The following LRRC46 variants were observed in gnomAD, a reference collection of about 807,000 sequenced individuals.
LRRC46 encodes the protein leucine rich repeat containing 46, also known as leucine-rich repeat-containing protein 46.
In LRRC46, 20 loss-of-function variants were observed where a neutral mutation model predicts 28.0. That is an observed-to-expected ratio of 0.71 (90% CI 0.50 to 1.04). The LOEUF (loss-of-function observed/expected upper bound fraction) is 1.04. Ranked by LOEUF, LRRC46 falls within the 50% of genes least tolerant of loss-of-function variation. The pLI is 0.00. For synonymous variants in LRRC46, 156 were observed against 158.8 expected, an observed-to-expected ratio of 0.98 and a Z score of 0.13; for missense variants, 315 against 390.1, an observed-to-expected ratio of 0.81 and a Z score of 1.62.
Position 47,836,430 on chromosome 17 carries a change from G to A in LRRC46, c.550G>A (p.Asp184Asn), listed in dbSNP as rs370207682. 7.6e-5 allele frequency: 122 copies of A among 1,614,044 alleles called. No homozygotes were observed. Among genetic ancestry groups the A allele is most frequent in the Non-Finnish European group, 9.7e-5 (115 of 1,180,026 alleles). ...GGATGAGGAGGATGAAGCCTCAAGC[G>A]ATGAGGAGTTCCCAGAGCTGAGTGG... ...ISDEEDEASS[D>N]EEFPELSGPF... Residue 184 changes from aspartate to asparagine, a missense_variant, in exon 7 of 8, where the codon GAT (aspartate) becomes AAT (asparagine). Asp to Asn is a conservative substitution (Grantham distance 23). Transcript: ENST00000269025. This position sits in a 1 kb window ranked among gnomAD's most constrained non-coding sequence, Gnocchi z 5.8.
In LRRC46 at chr17:47,831,926, G is replaced by A; in HGVS notation, c.-64G>A. ...CATCCTGAGTTCTGCCATCCTTAGG[G>A]GCCGCCAAGACCTCTCTTTTCGTTC... On this transcript the variant is annotated 5_prime_UTR_variant, in exon 1 of 8. Coordinates refer to ENST00000269025, the MANE Select transcript of LRRC46 (RefSeq NM_033413.4). The A allele has an allele frequency of 6.2e-7, 1 of 1,609,898 alleles. No individual in the cohort carries two copies. The highest frequency in any genetic ancestry group is 1.7e-5 in the Admixed American group (1 of 59,904).
In LRRC46 at chr17:47,836,354, G is replaced by A; in HGVS notation, c.474G>A (p.Leu158=). Residue 158 remains leucine, a synonymous_variant, in exon 7 of 8, where the codon CTG becomes CTA. Coordinates refer to ENST00000269025, the MANE Select transcript of LRRC46 (RefSeq NM_033413.4). This position sits in a 1 kb window ranked among gnomAD's most constrained non-coding sequence, Gnocchi z 5.8. ...DGYRELVTEA[L]PLLLDLDGQP... ...GCAGCGAGCTGGTGACAGAAGCCCT[G>A]CCACTTCTCCTGGACCTGGACGGGC... is the stretch of plus-strand genomic sequence containing the variant. 1 of 1,614,030 alleles carries A rather than the reference G, an allele frequency of 6.2e-7. No individual in the cohort carries two copies. Among genetic ancestry groups the A allele is most frequent in the Non-Finnish European group, 8.5e-7 (1 of 1,180,018 alleles).
intron 3 of LRRC46, 187 bp from the exon 4 acceptor site, chr17:47,835,166 T>G: frequency 1.4e-6 from 1 of 694,148 alleles, no homozygotes. Context: ...CCCTTAACCA[T>G]CCACATGGGG....
Position 47,837,307 on chromosome 17 carries a change from A to G in LRRC46, c.*187A>G. Reference sequence around the variant, plus strand: ...CTCCAGGAAACAAAATACAGAGCTCAGTGAGCCACCTGATTCTAAAGAGCG... The same window carrying G: ...CTCCAGGAAACAAAATACAGAGCTCGGTGAGCCACCTGATTCTAAAGAGCG... On this transcript the variant is annotated 3_prime_UTR_variant, in exon 8 of 8. Transcript: ENST00000269025. 1.4e-6 allele frequency: 1 copy of G among 722,664 alleles called. No homozygotes were observed. The highest frequency in any genetic ancestry group is 2.1e-6 in the Non-Finnish European group (1 of 472,732). The allele number at this position is 722,664 out of a possible 1,614,324, so 44.8% of individuals were successfully genotyped here.
chr17:47,835,294 A>C, intron 3 of LRRC46, 59 bp from the exon 4 acceptor site: 5 of 1,563,164 alleles, frequency 3.2e-6, no homozygotes, highest in Non-Finnish European at 4.4e-6. Flanking sequence ...TGTCCCCGTA[A>C]AGGGCCCCTG....
chr17:47,835,666 C>T lies in LRRC46; in HGVS notation c.273C>T (p.Arg91=). 1 of 1,613,024 alleles carries T rather than the reference C, an allele frequency of 6.2e-7. No homozygotes were observed. The highest frequency in any genetic ancestry group is 8.5e-7 in the Non-Finnish European group (1 of 1,178,950). Residue 91 remains arginine, a splice_region_variant and synonymous_variant, in exon 5 of 8, where the codon CGC becomes CGT. Coordinates refer to ENST00000269025, the MANE Select transcript of LRRC46 (RefSeq NM_033413.4). ...TCTGTACCCCTTCCTTCCCCTACAG[C>T]TTCCTGTCTCTGGCAGGAAACCAAA... ...IENLACIPSL[R]FLSLAGNQIR...
chr17:47,835,307 G>A (rs775411777), intron 3 of LRRC46, 46 bp from the exon 4 acceptor site: 18 of 1,601,586 alleles, frequency 1.1e-5, no homozygotes, highest in South Asian at 5.5e-5. Flanking sequence ...GGCCCCTGAC[G>A]CATCTGATCT....
Sources: allele counts gnomAD v4.1 joint callset, GRCh38; gene constraint gnomAD v4.1.1; non-coding constraint Gnocchi (gnomAD v3.1); transcripts MANE v1.5; gene names NCBI Gene and HGNC (gene_info 2026-07-23, HGNC 2026-07-21).